Variants in HPD observed in about 807,000 individuals in gnomAD.
HPD encodes 4-hydroxyphenylpyruvate dioxygenase, also known as 4-hydroxyphenylpyruvic acid oxidase.
Under a neutral mutation model 56.9 loss-of-function variants are expected in HPD, and 35 were observed. The observed-to-expected ratio is 0.62, with a 90% confidence interval of 0.47 to 0.82. The LOEUF (loss-of-function observed/expected upper bound fraction) is 0.82. Ranked by LOEUF, HPD falls within the 40% of genes least tolerant of loss-of-function variation. The pLI, the probability that HPD is intolerant of heterozygous loss-of-function variation, is 0.00. For synonymous variants in HPD, 186 were observed against 200.2 expected (o/e 0.93, Z 0.60); for missense variants, 442 against 506.8 (o/e 0.87, Z 1.23).
chr12:121,882,365 G>A, the HPD span, among the ~76,000 whole-genome samples: 3 of 152,118 alleles, frequency 2.0e-5, no homozygotes, highest in South Asian at 2.1e-4. Flanking sequence ...CCTACCTCTC[G>A]TTCTGAAATG....
upstream of HPD, among the ~76,000 whole-genome samples, chr12:121,860,195 T>G (rs755447458): frequency 2.6e-5 from 4 of 151,886 alleles, no homozygotes; most frequent in Non-Finnish European, 5.9e-5. Context: ...AAAACTTGAG[T>G]GGAGGTGGCC....
upstream of HPD, among the ~76,000 whole-genome samples, chr12:121,861,547 G>T (rs1321471747): frequency 6.6e-6 from 1 of 151,854 alleles, no homozygotes; most frequent in Non-Finnish European, 1.5e-5. Flanking sequence ...AATGGAACAA[G>T]TCTCAGTTAC....
At position 121,849,723 on chromosome 12, in the gene HPD, T is replaced by G; in HGVS notation, c.482A>C (p.Glu161Ala). 1 of 1,613,918 alleles carries G rather than the reference T, an allele frequency of 6.2e-7. No individual in the cohort carries two copies. Among genetic ancestry groups the G allele is most frequent in the South Asian group, 1.1e-5 (1 of 91,078 alleles). ...TAGGGGGTCCATGAACGCTGGGGCC[T>G]CATATCCAGGCAAGAATTGGCCGAT... The part of the protein sequence containing the change: ...NYIGQFLPGY[E>A]APAFMDPLLP... Residue 161 changes from glutamate (E) to alanine (A), a missense_variant, in exon 8 of 14, where the codon GAG (glutamate) becomes GCG (alanine). Physicochemically the swap from Glu to Ala is moderately radical, Grantham distance 107. Coordinates refer to ENST00000289004, the MANE Select transcript of HPD (RefSeq NM_002150.3).
At chr12:121,883,393 C>T in the HPD span, among the ~76,000 whole-genome samples, 2 of 151,806 alleles carry the variant, frequency 1.3e-5, no homozygotes, top group African/African-American at 2.4e-5. Flanking sequence ...AAGTGCGCAA[C>T]CTGAGACAGT....
intron 8 of HPD, among the ~76,000 whole-genome samples, 155 bp from the exon 9 acceptor site, chr12:121,849,231 T>C (rs1173937637): frequency 6.6e-6 from 1 of 151,946 alleles, no homozygotes; most frequent in Non-Finnish European, 1.5e-5. Flanking sequence ...AGACTCTTTT[T>C]TTTGCCCAGG....
chr12:121,869,861 C>G, the HPD span, among the ~76,000 whole-genome samples: 1 of 152,178 alleles, frequency 6.6e-6, no homozygotes, highest in Non-Finnish European at 1.5e-5. Context: ...AGTGCAACAG[C>G]TTTTAATTTT....
At chr12:121,886,588 C>T in the HPD span, among the ~76,000 whole-genome samples, 1 of 152,072 alleles carries the variant, frequency 6.6e-6, no homozygotes, top group East Asian at 1.9e-4. Flanking sequence ...TTGCCTCTTT[C>T]TCCCCTTGTA....
At chr12:121,849,814 T>C in intron 7 of HPD, 24 bp from the exon 8 acceptor site, 1 of 1,541,656 alleles carries the variant, frequency 6.5e-7, no homozygotes. Context: ...ACAGCCTGGC[T>C]CGGCCCCTGG....
chr12:121,860,873 T>C (rs1878155718), upstream of HPD, among the ~76,000 whole-genome samples: 1 of 152,032 alleles, frequency 6.6e-6, no homozygotes, highest in Non-Finnish European at 1.5e-5. Context: ...GCCACTGCAC[T>C]CTAGCCTGGG....
At chr12:121,864,226 G>A (rs184440687), upstream of HPD, among the ~76,000 whole-genome samples, 2 of 151,150 alleles carry the variant, frequency 1.3e-5, no homozygotes, top group East Asian at 2.0e-4. Context: ...CCTGGCGACA[G>A]AGCAAGACTC....
intron 6 of HPD, among the ~76,000 whole-genome samples, chr12:121,855,859 A>T (rs1877973913): frequency 6.6e-6 from 1 of 150,550 alleles, no homozygotes; most frequent in Non-Finnish European, 1.5e-5. Context: ...AATCCTAGCT[A>T]CTTAGGAGGC....
chr12:121,843,863 C>T (rs755571515), intron 11 of HPD, 31 bp from the exon 12 acceptor site: 4 of 1,613,748 alleles, frequency 2.5e-6, no homozygotes, highest in African/African-American at 2.7e-5. Flanking sequence ...GGTCAGCCTT[C>T]GGCCTCCAAG....
chr12:121,852,559 T>A (rs1877827231), intron 7 of HPD, among the ~76,000 whole-genome samples: 1 of 151,278 alleles, frequency 6.6e-6, no homozygotes, highest in Non-Finnish European at 1.5e-5. Flanking sequence ...TGGTCATCTT[T>A]GCTGAGTGTC....
chr12:121,879,504 T>TCTCTTCTCTTCTCTTCTC, the HPD span, among the ~76,000 whole-genome samples: 1 of 149,544 alleles, frequency 6.7e-6, no homozygotes, highest in Non-Finnish European at 1.5e-5. Flanking sequence ...TCTCTTCTCT[T>TCTCTTCTCTTCTCTTCTC]TTTTCTTTTC....
the HPD span, among the ~76,000 whole-genome samples, chr12:121,877,888 T>A: frequency 6.6e-6 from 1 of 152,154 alleles, no homozygotes; most frequent in Non-Finnish European, 1.5e-5. Context: ...TCAAAAGAAG[T>A]TAGCAATGTG....
chr12:121,871,009 G>A, the HPD span, among the ~76,000 whole-genome samples: 1 of 152,132 alleles, frequency 6.6e-6, no homozygotes, highest in African/African-American at 2.4e-5. Context: ...CAGAGCTGCT[G>A]TGCCATTGCC....
intron 6 of HPD, 53 bp downstream of exon 6, chr12:121,856,271 C>T: frequency 7.1e-7 from 1 of 1,409,306 alleles, no homozygotes; most frequent in Non-Finnish European, 1.0e-6. Flanking sequence ...CTGATGGGGT[C>T]CCCATGGCAG....
upstream of HPD, among the ~76,000 whole-genome samples, chr12:121,866,394 G>A (rs963989045): frequency 4.2e-4 from 63 of 150,308 alleles, no homozygotes; most frequent in African/African-American, 1.5e-3. Context: ...AAAAAAAAAG[G>A]CACGGAGCAG....
chr12:121,850,192 C>T (rs1016906906), intron 7 of HPD, among the ~76,000 whole-genome samples: 3 of 151,918 alleles, frequency 2.0e-5, no homozygotes, highest in African/African-American at 4.8e-5. Context: ...GAGGCCAAGG[C>T]GGGTGGATCA....
Sources: allele counts gnomAD v4.1 joint callset (sites outside exome capture counted in the v4.1 genomes callset), GRCh38; gene constraint gnomAD v4.1.1; transcripts MANE v1.5; gene names NCBI Gene and HGNC (gene_info 2026-07-23, HGNC 2026-07-21).